The following TTC7A variants were observed in gnomAD, a reference collection of about 807,000 sequenced individuals.
TTC7A encodes the protein tetratricopeptide repeat protein 7A.
TTC7A carries 110 observed loss-of-function variants against 103.7 expected under a neutral mutation model. The observed-to-expected ratio is 1.06, with a 90% CI of 0.91 to 1.24. TTC7A has a LOEUF of 1.24. Ranked by LOEUF, TTC7A falls within the 50% of genes most tolerant of loss-of-function variation. TTC7A has a pLI of 0.00. For synonymous variants in TTC7A, 521 were observed against 467.9 expected (o/e 1.11, Z -1.47); for missense variants, 1,340 against 1,116.3 (o/e 1.20, Z -2.86).
chr2:46,951,536 C>T (rs1046657146), intron 2 of TTC7A: 1 of 442,586 alleles, frequency 2.3e-6, no homozygotes, highest in Non-Finnish European at 4.5e-6. Context: ...TCCCTTCCTT[C>T]CTTGCTTCCT....
chr2:47,000,138 A>G (rs72806571), intron 8 of TTC7A, among the ~76,000 whole-genome samples: 10,873 of 152,248 alleles, frequency 0.071, 417 homozygotes, highest in Non-Finnish European at 0.079. Flanking sequence ...TGGTTGTTCA[A>G]TATGTCCTGA....
chr2:46,938,773 G>T (rs2103868018), upstream of TTC7A, among the ~76,000 whole-genome samples: 2 of 152,268 alleles, frequency 1.3e-5, no homozygotes, highest in Middle Eastern at 3.4e-3. Flanking sequence ...CAGCACTTTG[G>T]GAGGCCAAGG....
intron 2 of TTC7A, among the ~76,000 whole-genome samples, chr2:46,918,389 G>T (rs1480509304): frequency 6.6e-6 from 1 of 152,318 alleles, no homozygotes; most frequent in Non-Finnish European, 1.5e-5. Context: ...AGTAGTAGAT[G>T]ATGCTGCTGG....
intron 5 of TTC7A, among the ~76,000 whole-genome samples, chr2:46,991,984 C>T (rs138821048): frequency 1.0e-3 from 156 of 152,346 alleles, no homozygotes; most frequent in African/African-American, 3.6e-3. Context: ...GCAAAGGTGT[C>T]CTTTCATGGC....
intron 2 of TTC7A, among the ~76,000 whole-genome samples, chr2:46,923,857 A>C (rs1275275135): frequency 2.0e-5 from 3 of 151,880 alleles, no homozygotes; most frequent in Non-Finnish European, 4.4e-5. Flanking sequence ...CTCAGCCTCC[A>C]GAGTAGCTGG....
chr2:46,967,140 G>A (rs1411870880), intron 3 of TTC7A, among the ~76,000 whole-genome samples: 2 of 152,074 alleles, frequency 1.3e-5, no homozygotes, highest in African/African-American at 4.8e-5. Context: ...TTGAACCCAG[G>A]AGGTGGAGGT....
intron 2 of TTC7A, among the ~76,000 whole-genome samples, chr2:46,921,962 G>T (rs561910381): frequency 6.6e-5 from 10 of 152,276 alleles, no homozygotes; most frequent in African/African-American, 2.4e-4. Context: ...ACACTAGTTG[G>T]GGGGTGAGGG....
At chr2:46,961,228 C>T (rs899707262) in intron 3 of TTC7A, among the ~76,000 whole-genome samples, 1 of 152,192 alleles carries the variant, frequency 6.6e-6, no homozygotes, top group African/African-American at 2.4e-5. Context: ...GAAACAGCTC[C>T]ATTACCATTC....
intron 19 of TTC7A, 118 bp downstream of exon 19, chr2:47,061,089 TC>T (rs1320620485): frequency 9.2e-7 from 1 of 1,092,872 alleles, no homozygotes; most frequent in East Asian, 2.6e-5. Flanking sequence ...CTACTGCTGT[TC>T]CCTGGTGTCT....
intron 18 of TTC7A, among the ~76,000 whole-genome samples, chr2:47,059,877 C>G (rs909300512): frequency 7.9e-5 from 12 of 152,146 alleles, no homozygotes; most frequent in African/African-American, 2.7e-4. Flanking sequence ...AGTACTTGTG[C>G]AAGGTGCGGT....
intron 3 of TTC7A, chr2:46,974,733 G>T: frequency 1.7e-6 from 1 of 596,240 alleles, no homozygotes; most frequent in East Asian, 3.7e-5. Context: ...TGGCTTCCCC[G>T]GGTAGTTGGG....
At chr2:46,985,392 C>A (rs920722474) in intron 5 of TTC7A, among the ~76,000 whole-genome samples, 1 of 152,226 alleles carries the variant, frequency 6.6e-6, no homozygotes, top group African/African-American at 2.4e-5. Flanking sequence ...AGTTACTCAG[C>A]CCCTGTGTCT....
intron 12 of TTC7A, among the ~76,000 whole-genome samples, chr2:47,022,564 A>T (rs1025515401): frequency 2.0e-5 from 3 of 151,844 alleles, no homozygotes; most frequent in Non-Finnish European, 4.4e-5. Context: ...TCAGGCAGCC[A>T]CCTACTTTGA....
At chr2:46,933,882 C>T (rs1291545789) in intron 2 of TTC7A, among the ~76,000 whole-genome samples, 1 of 152,090 alleles carries the variant, frequency 6.6e-6, no homozygotes, top group Admixed American at 6.6e-5. Flanking sequence ...GTGCTGGGAA[C>T]ACAGGGCTCT....
chr2:46,931,200 T>A (rs1669682581), intron 2 of TTC7A, among the ~76,000 whole-genome samples: 1 of 152,236 alleles, frequency 6.6e-6, no homozygotes, highest in Non-Finnish European at 1.5e-5. Context: ...ACTGCAGCTT[T>A]CAGCTGTAGC....
chr2:47,045,939 C>T (rs571585687), intron 15 of TTC7A, among the ~76,000 whole-genome samples: 7 of 152,268 alleles, frequency 4.6e-5, no homozygotes, highest in South Asian at 4.1e-4. Flanking sequence ...CCTGGTCCCA[C>T]GATCATTAGG....
At chr2:46,932,374 C>T (rs777961875) in intron 2 of TTC7A, among the ~76,000 whole-genome samples, 1 of 152,120 alleles carries the variant, frequency 6.6e-6, no homozygotes, top group Non-Finnish European at 1.5e-5. Context: ...GTCTCAAACT[C>T]TTGACCTCAT....
At chr2:47,053,436 A>G (rs1683037611) in intron 18 of TTC7A, among the ~76,000 whole-genome samples, 1 of 152,210 alleles carries the variant, frequency 6.6e-6, no homozygotes, top group Non-Finnish European at 1.5e-5. Flanking sequence ...CACAGTGATC[A>G]GATTCTGCAG....
intron 1 of TTC7A, among the ~76,000 whole-genome samples, chr2:46,943,204 C>A (rs1204531451): frequency 6.6e-6 from 1 of 152,120 alleles, no homozygotes; most frequent in African/African-American, 2.4e-5. Context: ...TGTCTGGCCG[C>A]TTTCTCTATT....
Sources: allele counts gnomAD v4.1 joint callset (sites outside exome capture counted in the v4.1 genomes callset), GRCh38; gene constraint gnomAD v4.1.1; transcripts MANE v1.5; gene names NCBI Gene and HGNC (gene_info 2026-07-23, HGNC 2026-07-21).